Variants in GPC5 observed in about 807,000 individuals in gnomAD.
GPC5 encodes the protein glypican 5.
A neutral mutation model predicts 53.9 loss-of-function variants in GPC5; 47 were observed. That is an observed-to-expected ratio of 0.87 (90% CI 0.69 to 1.11). The LOEUF is 1.11. GPC5 is among the 50% of genes most tolerant of loss of function. The pLI is 0.00. For missense variants in GPC5, 748 were observed against 713.1 expected (o/e 1.05, Z -0.56); for synonymous variants, 286 against 263.3 (o/e 1.09, Z -0.84).
intron 6 of GPC5, among the ~76,000 whole-genome samples, chr13:91,992,518 C>A (rs370080366): frequency 1.0e-4 from 15 of 149,408 alleles, no homozygotes; most frequent in African/African-American, 3.7e-4. Context: ...AGTGCAGTGG[C>A]GCGATCTTGG....
intron 7 of GPC5, among the ~76,000 whole-genome samples, chr13:92,234,938 G>A (rs1433104396): frequency 6.6e-6 from 1 of 152,070 alleles, no homozygotes; most frequent in Admixed American, 6.6e-5. Context: ...ACAATTTGGG[G>A]CCATACAATC....
At chr13:92,175,213 A>C (rs2042101101) in intron 7 of GPC5, among the ~76,000 whole-genome samples, 1 of 152,254 alleles carries the variant, frequency 6.6e-6, no homozygotes, top group South Asian at 2.1e-4. Flanking sequence ...TTGGCATATT[A>C]GTGAAACATA....
intron 7 of GPC5, among the ~76,000 whole-genome samples, chr13:92,795,652 G>C (rs1787164817): frequency 6.6e-6 from 1 of 151,832 alleles, no homozygotes; most frequent in South Asian, 2.1e-4. Context: ...CTAATATCCA[G>C]AATCTACAAA....
intron 5 of GPC5, among the ~76,000 whole-genome samples, chr13:91,769,255 G>A (rs929397594): frequency 6.6e-6 from 1 of 152,098 alleles, no homozygotes; most frequent in East Asian, 1.9e-4. Context: ...CAACATTATG[G>A]AGGCTAAGAT....
intron 2 of GPC5, among the ~76,000 whole-genome samples, chr13:91,496,049 T>A (rs988530791): frequency 6.6e-6 from 1 of 151,388 alleles, no homozygotes; most frequent in African/African-American, 2.4e-5. Flanking sequence ...AAAAAATAAA[T>A]AAAAAATAAA....
At chr13:92,803,134 A>T (rs1876969397) in intron 7 of GPC5, among the ~76,000 whole-genome samples, 1 of 151,914 alleles carries the variant, frequency 6.6e-6, no homozygotes, top group African/African-American at 2.4e-5. Context: ...TTTTGTAATC[A>T]CTTTCCTCAA....
At chr13:92,362,122 C>A (rs1244236253) in intron 7 of GPC5, among the ~76,000 whole-genome samples, 1 of 151,724 alleles carries the variant, frequency 6.6e-6, no homozygotes, top group African/African-American at 2.4e-5. Flanking sequence ...CAATATCTTA[C>A]TACTTCATCC....
chr13:91,962,467 G>C (rs1204647066), intron 6 of GPC5, among the ~76,000 whole-genome samples: 3 of 152,044 alleles, frequency 2.0e-5, no homozygotes, highest in Non-Finnish European at 4.4e-5. Flanking sequence ...GGAGTAGATG[G>C]CCAATAAAAA....
chr13:92,563,235 G>A (rs754383982), intron 7 of GPC5, among the ~76,000 whole-genome samples: 5 of 151,804 alleles, frequency 3.3e-5, no homozygotes, highest in African/African-American at 9.7e-5. Flanking sequence ...AATGTCTCAC[G>A]TAAAATAAAA....
chr13:92,272,404 T>C (rs7326904), intron 7 of GPC5, among the ~76,000 whole-genome samples: 19,831 of 152,156 alleles, frequency 0.13, 1,548 homozygotes, highest in African/African-American at 0.22. Context: ...CTGCCTATGA[T>C]GTAACCATCT....
At chr13:92,185,165 T>C (rs983635652) in intron 7 of GPC5, among the ~76,000 whole-genome samples, 1 of 152,154 alleles carries the variant, frequency 6.6e-6, no homozygotes, top group African/African-American at 2.4e-5. Context: ...TGTGCCAGGG[T>C]CATTCAATAT....
chr13:92,695,351 GA>G (rs1887527890), intron 7 of GPC5, among the ~76,000 whole-genome samples: 1 of 152,050 alleles, frequency 6.6e-6, no homozygotes, highest in Non-Finnish European at 1.5e-5. Context: ...TATTCATTTT[GA>G]ATATTTGTGT....
intron 7 of GPC5, among the ~76,000 whole-genome samples, chr13:92,816,680 A>G (rs1263745174): frequency 1.3e-5 from 2 of 152,038 alleles, no homozygotes; most frequent in East Asian, 1.9e-4. Flanking sequence ...AGAAAACAGT[A>G]TATATTGGGA....
chr13:91,904,693 A>C (rs748848031), intron 5 of GPC5, among the ~76,000 whole-genome samples: 4 of 152,076 alleles, frequency 2.6e-5, no homozygotes, highest in Non-Finnish European at 5.9e-5. Flanking sequence ...GTTAAACACA[A>C]GAGGATTTTA....
At chr13:91,627,646 G>T (rs2034042898) in intron 2 of GPC5, among the ~76,000 whole-genome samples, 1 of 151,988 alleles carries the variant, frequency 6.6e-6, no homozygotes, top group South Asian at 2.1e-4. Context: ...ATGACACACT[G>T]GGGAGATCTC....
chr13:91,622,525 G>A (rs1566560649), intron 2 of GPC5, among the ~76,000 whole-genome samples: 1 of 151,960 alleles, frequency 6.6e-6, no homozygotes, highest in Non-Finnish European at 1.5e-5. Context: ...TATTCACGAA[G>A]TACTATAAAA....
intron 7 of GPC5, among the ~76,000 whole-genome samples, chr13:92,193,036 G>T (rs780823775): frequency 1.3e-5 from 2 of 152,086 alleles, no homozygotes; most frequent in Non-Finnish European, 2.9e-5. Context: ...TTAGCTGGGT[G>T]TGTTGGCGAG....
At chr13:92,522,570 A>G (rs1881103353) in intron 7 of GPC5, among the ~76,000 whole-genome samples, 4 of 152,132 alleles carry the variant, frequency 2.6e-5, no homozygotes, top group Admixed American at 2.6e-4. Flanking sequence ...TTGAACCATG[A>G]GAACACTTGG....
At chr13:92,860,384 C>T (rs1020167845) in intron 7 of GPC5, among the ~76,000 whole-genome samples, 7 of 151,980 alleles carry the variant, frequency 4.6e-5, no homozygotes, top group Non-Finnish European at 8.8e-5. Flanking sequence ...CTTTGGTTCT[C>T]GGGTTATACA....
Sources: allele counts gnomAD v4.1 joint callset (sites outside exome capture counted in the v4.1 genomes callset), GRCh38; gene constraint gnomAD v4.1.1; transcripts MANE v1.5; gene names NCBI Gene and HGNC (gene_info 2026-07-23, HGNC 2026-07-21).